FAM200C: variants seen among roughly 807,000 people sequenced by gnomAD.
the FAM200C span, chr5:160,393,759 G>C: frequency 6.4e-7 from 1 of 1,557,562 alleles, no homozygotes. Flanking sequence ...TCCGAGAAAC[G>C]AGGAACTTTT....
the FAM200C span, chr5:160,395,553 ATATAAC>A: frequency 7.4e-7 from 1 of 1,350,098 alleles, no homozygotes; most frequent in Middle Eastern, 1.8e-4. Flanking sequence ...TGGGAGTAAA[ATATAAC>A]CCACACATTA....
At chr5:160,395,511 T>A in the FAM200C span, 1 of 1,596,666 alleles carries the variant, frequency 6.3e-7, no homozygotes, top group Non-Finnish European at 8.6e-7. Context: ...AATTCTCAGG[T>A]AGTATTCCAG....
the FAM200C span, chr5:160,395,172 T>C: frequency 6.2e-7 from 1 of 1,613,766 alleles, no homozygotes; most frequent in Non-Finnish European, 8.5e-7. Flanking sequence ...GTATGAGGAT[T>C]CTTCTCCTTG....
At chr5:160,394,798 C>G in the FAM200C span, 2 of 1,613,974 alleles carry the variant, frequency 1.2e-6, no homozygotes, top group Non-Finnish European at 1.7e-6. Flanking sequence ...CAAGTGCTAT[C>G]TTATGCTTCA....
At chr5:160,394,144 C>T in the FAM200C span, 338 of 1,613,082 alleles carry the variant, frequency 2.1e-4, no homozygotes, top group Non-Finnish European at 2.8e-4. Context: ...GTTGCAGATG[C>T]AGTGTTATTT....
At chr5:160,393,384 C>T in the FAM200C span, 3 of 226,368 alleles carry the variant, frequency 1.3e-5, no homozygotes, top group South Asian at 3.3e-4. Flanking sequence ...CTTCTCTTTT[C>T]TCCTGGCTCA....
chr5:160,395,826 C>G, the FAM200C span, among the ~76,000 whole-genome samples: 1 of 152,140 alleles, frequency 6.6e-6, no homozygotes, highest in East Asian at 1.9e-4. Context: ...AACTTGTTTT[C>G]AATAATGTAT....
At chr5:160,397,962 C>T in the FAM200C span, among the ~76,000 whole-genome samples, 3 of 152,202 alleles carry the variant, frequency 2.0e-5, no homozygotes, top group East Asian at 5.8e-4. Context: ...ACAAGAGGGG[C>T]CCTGCACGGT....
chr5:160,394,314 T>C, the FAM200C span: 1 of 1,613,860 alleles, frequency 6.2e-7, no homozygotes, highest in South Asian at 1.1e-5. Flanking sequence ...ATCCCAGTCC[T>C]CTGCATAGAT....
chr5:160,399,457 G>A, the FAM200C span, among the ~76,000 whole-genome samples: 1 of 152,212 alleles, frequency 6.6e-6, no homozygotes, highest in African/African-American at 2.4e-5. Context: ...GCAGGTGTCT[G>A]GGGAGGCAGA....
chr5:160,394,606 C>T, the FAM200C span: 1 of 1,614,134 alleles, frequency 6.2e-7, no homozygotes, highest in South Asian at 1.1e-5. Context: ...TTATTACCCT[C>T]ACCACAGTAA....
the FAM200C span, among the ~76,000 whole-genome samples, chr5:160,397,877 T>C: frequency 3.3e-5 from 5 of 152,254 alleles, no homozygotes; most frequent in Admixed American, 6.5e-5. Flanking sequence ...ATTCTATTAA[T>C]GTATATTTAT....
the FAM200C span, chr5:160,393,974 A>G: frequency 6.2e-7 from 1 of 1,614,030 alleles, no homozygotes; most frequent in Non-Finnish European, 8.5e-7. Context: ...CTCAAATTCC[A>G]TTAGGATTTG....
At chr5:160,399,526 C>T in the FAM200C span, 2 of 152,244 alleles carry the variant, frequency 1.3e-5, no homozygotes, top group Non-Finnish European at 2.9e-5. Context: ...GGGGCAGGAA[C>T]TTGGTGGCTG....
the FAM200C span, among the ~76,000 whole-genome samples, chr5:160,398,378 C>T: frequency 8.7e-3 from 1,327 of 152,164 alleles, 18 homozygotes; most frequent in African/African-American, 0.029. Context: ...GGCGAAACCT[C>T]GTCTCTACTA....
chr5:160,396,297 C>T, the FAM200C span, among the ~76,000 whole-genome samples: 1 of 152,078 alleles, frequency 6.6e-6, no homozygotes, highest in Non-Finnish European at 1.5e-5. Flanking sequence ...ACTATTTGAA[C>T]CTTGAGCAGT....
At chr5:160,397,427 T>TA in the FAM200C span, 1 of 152,222 alleles carries the variant, frequency 6.6e-6, no homozygotes, top group Non-Finnish European at 1.5e-5. Context: ...AATCCACAGG[T>TA]AGGCTCAAAT....
the FAM200C span, among the ~76,000 whole-genome samples, chr5:160,397,827 G>T: frequency 1.3e-5 from 2 of 152,106 alleles, no homozygotes; most frequent in African/African-American, 4.8e-5. Flanking sequence ...AATTAATGAC[G>T]ATAAAATTAT....
At chr5:160,395,568 T>A in the FAM200C span, 1 of 1,131,486 alleles carries the variant, frequency 8.8e-7, no homozygotes, top group Non-Finnish European at 1.3e-6. Flanking sequence ...ACCCACACAT[T>A]AAAAACCAGT....
Sources: gnomAD v4.1 joint callset for allele counts (sites outside exome capture counted in the v4.1 genomes callset) on GRCh38, gnomAD v4.1.1 for gene constraint, MANE v1.5 for transcripts.